Variants in BDP1 observed in about 807,000 individuals in gnomAD.
The protein encoded by BDP1 is BDP1 general transcription factor IIIB subunit, also known as transcription factor TFIIIB component B'' homolog.
In BDP1, 169 loss-of-function variants were observed where a neutral mutation model predicts 266.6. The ratio of observed to expected loss-of-function variants is 0.63; its 90% CI spans 0.56 to 0.72. The LOEUF is 0.72. Among genes scored for constraint, BDP1 ranks in the 30% least tolerant of loss-of-function variants. The pLI is 0.00. For synonymous variants in BDP1, 1,090 were observed against 1,022.4 expected (o/e 1.07, Z -1.26); for missense variants, 3,015 against 3,053.8 (o/e 0.99, Z 0.30).
Position 71,562,458 on chromosome 5 carries a change from C to G in BDP1, c.7681C>G (p.Leu2561Val), listed in dbSNP as rs186212431. ...GGAAAAAAATCGAGAGTCCTCTGATCTGCTTCCATCTCCAAGTGTTATTAC... is the reference window on the plus strand; with the variant it reads ...GGAAAAAAATCGAGAGTCCTCTGATGTGCTTCCATCTCCAAGTGTTATTAC... ...SQEKNRESSD[L>V]LPSPSVITTQ... Residue 2561 changes from leucine to valine, a missense_variant, in exon 38 of 39, where the codon CTG (leucine) becomes GTG (valine). By Grantham distance (32) the Leu-to-Val change is conservative. Coordinates refer to ENST00000358731, the MANE Select transcript of BDP1 (RefSeq NM_018429.3). 1.2e-6 allele frequency: 2 copies of G among 1,613,914 alleles called. No homozygotes were observed. Among genetic ancestry groups the G allele is most frequent in the Admixed American group, 3.3e-5 (2 of 60,016 alleles).
intron 7 of BDP1, among the ~76,000 whole-genome samples, chr5:71,471,164 A>ATGGAGTCTCGCTCTGTTGCCCAGGC (rs1762223304): frequency 1.8e-5 from 2 of 112,156 alleles, no homozygotes; most frequent in African/African-American, 7.3e-5. Flanking sequence ...TTTTTTTGAG[A>ATGGAGTCTCGCTCTGTTGCCCAGGC]TGGAGTCTCG....
At position 71,545,068 on chromosome 5, in the gene BDP1, A is replaced by G; in HGVS notation, c.6593A>G (p.Glu2198Gly). ...RNENQEESSQ[E>G]VHMLSVAPVA... is the part of the protein sequence containing the mutation. ...GAAAATCAAGAAGAGAGCTCTCAGG[A>G]GGTTCACATGTTGTCAGTTGCTCCA... The change falls in exon 32 of 39, where the codon GAG becomes GGG. Residue 2198 changes from glutamate (E) to glycine (G), a missense_variant. Glu to Gly is a moderately conservative substitution (Grantham distance 98). Transcript: ENST00000358731. 1 of 1,613,546 alleles carries G rather than the reference A, an allele frequency of 6.2e-7. No individual in the cohort carries two copies. The highest frequency in any genetic ancestry group is 8.5e-7 in the Non-Finnish European group (1 of 1,179,794).
chr5:71,528,595 A>G (rs529056723), intron 25 of BDP1, among the ~76,000 whole-genome samples: 1 of 152,386 alleles, frequency 6.6e-6, no homozygotes, highest in South Asian at 2.1e-4. Context: ...ATGTAATTCC[A>G]TTAAGAATTA....
Position 71,527,167 on chromosome 5 carries a change from T to C in BDP1, c.5772+2844T>C, listed in dbSNP as rs377045768. ...AACTCCTGAGCTCAGGCAATCCTCCTGCCTCGGCCTCCCAAAGTGCGGGGA... is the reference window on the plus strand; with the variant it reads ...AACTCCTGAGCTCAGGCAATCCTCCCGCCTCGGCCTCCCAAAGTGCGGGGA... On this transcript the variant is annotated intron_variant, in intron 25 of 38. Coordinates refer to ENST00000358731, the MANE Select transcript of BDP1 (RefSeq NM_018429.3). Among the ~76,000 whole-genome samples, 14 of 152,296 alleles carry C rather than the reference T, an allele frequency of 9.2e-5. 1 individual carries two copies. Among genetic ancestry groups the C allele is most frequent in the African/African-American group, 3.4e-4 (14 of 41,564 alleles).
At chr5:71,525,384 G>T (rs1418584609) in intron 25 of BDP1, among the ~76,000 whole-genome samples, 1 of 148,606 alleles carries the variant, frequency 6.7e-6, no homozygotes, top group Non-Finnish European at 1.5e-5. Context: ...GGCTGGCCGG[G>T]CGGGGGGCTG....
At position 71,491,023 on chromosome 5, in the gene BDP1, A is replaced by G; in HGVS notation, c.1532A>G (p.Glu511Gly). ...ATAAGGCCTGAGCTAAAGGAAGGTG[A>G]ATGCAGTAAGGAGCAGATGCTTTCC... is the stretch of plus-strand genomic sequence containing the variant. ...QAIRPELKEG[E>G]CSKEQMLSCT... The change falls in exon 11 of 39, where the codon GAA (glutamate) becomes GGA (glycine). Residue 511 changes from glutamate to glycine, a missense_variant. Physicochemically the swap from Glu to Gly is moderately conservative, Grantham distance 98. Transcript: ENST00000358731. 6.2e-7 allele frequency: 1 copy of G among 1,613,508 alleles called. No homozygotes were observed. Among genetic ancestry groups the G allele is most frequent in the Non-Finnish European group, 8.5e-7 (1 of 1,179,690 alleles).
intron 22 of BDP1, 143 bp downstream of exon 22, chr5:71,517,595 T>C (rs564404028): frequency 3.2e-4 from 212 of 663,690 alleles, no homozygotes; most frequent in Non-Finnish European, 4.0e-4. Context: ...TACTAGAGTC[T>C]TTTAAATCTG....
In BDP1 at chr5:71,510,727, A is replaced by G. The variant is rs764113300; in HGVS notation, c.3635A>G (p.Asn1212Ser). The change falls in exon 17 of 39, where the codon AAT (asparagine) becomes AGT (serine). Residue 1212 changes from asparagine to serine, a missense_variant. Physicochemically the swap from Asn to Ser is conservative, Grantham distance 46. Transcript: ENST00000358731. The part of the protein sequence containing the change: ...ETEREISPQE[N>S]GPEEVKPVGK... ...GAAAGAGAAATATCGCCACAGGAAA[A>G]TGGCCCAGAGGAGGTCAAGCCTGTA... The G allele has an allele frequency of 3.7e-6, 6 of 1,614,034 alleles. No individual in the cohort carries two copies. Among genetic ancestry groups the G allele is most frequent in the Non-Finnish European group, 4.2e-6 (5 of 1,180,030 alleles).
At chr5:71,546,423 A>G (rs1370243740) in intron 32 of BDP1, among the ~76,000 whole-genome samples, 1 of 151,992 alleles carries the variant, frequency 6.6e-6, no homozygotes, top group African/African-American at 2.4e-5. Context: ...GTTCAAGAAC[A>G]GCCTGGCAAA....
At chr5:71,492,902 A>G (rs1023828288) in intron 11 of BDP1, among the ~76,000 whole-genome samples, 2 of 152,188 alleles carry the variant, frequency 1.3e-5, no homozygotes, top group Admixed American at 1.3e-4. Context: ...CACTATTTCT[A>G]AAGCTATTTT....
chr5:71,519,413 C>T (rs775368071), intron 22 of BDP1, among the ~76,000 whole-genome samples: 1 of 152,138 alleles, frequency 6.6e-6, no homozygotes, highest in East Asian at 1.9e-4. Flanking sequence ...CTTATTCCTT[C>T]TATCTAACTG....
At position 71,549,426 on chromosome 5, in the gene BDP1, T is replaced by C; in HGVS notation, c.6815T>C (p.Leu2272Pro). 6.2e-7 allele frequency: 1 copy of C among 1,609,712 alleles called. No individual in the cohort carries two copies. Among genetic ancestry groups the C allele is most frequent in the Middle Eastern group, 1.7e-4 (1 of 6,042 alleles). ...IINPQDLTVNLVANVPQDGED... is the reference protein window; with the variant it reads ...IINPQDLTVNPVANVPQDGED... Reference sequence around the variant, plus strand: ...AACTTTTAAACTTTGATAGTGAATCTAGTTGCTAATGTACCTCAAGATGGA... The same window carrying C: ...AACTTTTAAACTTTGATAGTGAATCCAGTTGCTAATGTACCTCAAGATGGA... The change falls in exon 34 of 39, where the codon CTA (leucine) becomes CCA (proline). Residue 2272 changes from leucine to proline, a missense_variant. Leu to Pro is a moderately conservative substitution (Grantham distance 98, BLOSUM62 -3). This residue lies in a region of BDP1 where 629 missense variants were observed against 632.5 expected (regional missense o/e 0.99). Coordinates refer to ENST00000358731, the MANE Select transcript of BDP1 (RefSeq NM_018429.3).
In BDP1 at chr5:71,492,222, G is replaced by T. The variant is rs149611634; in HGVS notation, c.1640+1091G>T. On this transcript the variant is annotated intron_variant, in intron 11 of 38. Transcript: ENST00000358731. Reference sequence around the variant, plus strand: ...AACATGGGAGTGCAAATATCTCTTTGAGATCCTGATTTCAGTTCTTGTGGA... The same window carrying T: ...AACATGGGAGTGCAAATATCTCTTTTAGATCCTGATTTCAGTTCTTGTGGA... Among the ~76,000 whole-genome samples the T allele has an allele frequency of 6.2e-3, 940 of 152,288 alleles. 15 individuals are homozygous for T. The highest frequency in any genetic ancestry group is 0.022 in the African/African-American group (899 of 41,548).
At chr5:71,540,541 T>TG (rs1766903606) in intron 28 of BDP1, among the ~76,000 whole-genome samples, 1 of 152,138 alleles carries the variant, frequency 6.6e-6, no homozygotes, top group Admixed American at 6.5e-5. Flanking sequence ...TTGGCCAGGC[T>TG]GGTCTCGAAC....
intron 25 of BDP1, among the ~76,000 whole-genome samples, chr5:71,528,955 A>C (rs1766069008): frequency 6.6e-6 from 1 of 152,252 alleles, no homozygotes; most frequent in African/African-American, 2.4e-5. Context: ...ATTAGATTCC[A>C]GACTGTATCC....
rs769877773 is a variant in BDP1 at position 71,501,597 on chromosome 5, C to T, written c.1992C>T (p.Asp664=). The change falls in exon 14 of 39, where the codon GAC becomes GAT. Residue 664 remains aspartate (D), a synonymous_variant. Coordinates refer to ENST00000358731, the MANE Select transcript of BDP1 (RefSeq NM_018429.3). The part of the protein sequence containing the change: ...HVEKDKMNTL[D]ILRMETTERE... ...AAAAAGATAAAATGAATACATTGGACATTTTGAGAATGGAGACTACAGAGA... is the reference window on the plus strand; with the variant it reads ...AAAAAGATAAAATGAATACATTGGATATTTTGAGAATGGAGACTACAGAGA... 3.8e-6 allele frequency: 6 copies of T among 1,596,784 alleles called. No homozygotes were observed. Among genetic ancestry groups the T allele is most frequent in the Non-Finnish European group, 4.3e-6 (5 of 1,170,716 alleles).
intron 32 of BDP1, among the ~76,000 whole-genome samples, chr5:71,548,347 T>C (rs1257333680): frequency 6.6e-6 from 1 of 152,192 alleles, no homozygotes; most frequent in African/African-American, 2.4e-5. Flanking sequence ...GGGAAAGCAG[T>C]TTGCCTTCAT....
intron 11 of BDP1, 91 bp from the exon 12 acceptor site, chr5:71,495,159 G>T (rs188592419): frequency 2.6e-5 from 19 of 742,936 alleles, no homozygotes; most frequent in Middle Eastern, 4.1e-4. Context: ...TTGCAAAATG[G>T]TGATTTTGTG....
At position 71,502,770 on chromosome 5, in the gene BDP1, T is replaced by C. The variant is rs1354178634; in HGVS notation, c.2220T>C (p.Asn740=). ...GGGCCAATGTAGAGAAGAATGAAAA[T>C]GAATCCTGTGCTGATAGAGATGTAA... ...EIGANVEKNE[N]ESCADRDTPQ... The change falls in exon 15 of 39, where the codon AAT becomes AAC. Residue 740 remains asparagine, a synonymous_variant. Transcript: ENST00000358731. The C allele has an allele frequency of 1.2e-6, 2 of 1,613,502 alleles. No homozygotes were observed. Among genetic ancestry groups the C allele is most frequent in the Non-Finnish European group, 8.5e-7 (1 of 1,179,858 alleles).
Sources: gnomAD v4.1 joint callset for allele counts (sites outside exome capture counted in the v4.1 genomes callset) on GRCh38, gnomAD v4.1.1 for gene constraint, gnomAD v4.1.1 regional missense constraint, MANE v1.5 for transcripts, NCBI Gene and HGNC (gene_info 2026-07-23, HGNC 2026-07-21) for gene names.